The following CHSY1 variants were observed in gnomAD, a reference collection of about 807,000 sequenced individuals.
The protein encoded by CHSY1 is N-acetylgalactosaminyl-proteoglycan 3-beta-glucuronosyltransferase 1.
Under a neutral mutation model 59.8 loss-of-function variants are expected in CHSY1, and 13 were observed. The observed-to-expected ratio is 0.22, with a 90% CI of 0.14 to 0.35. The LOEUF is 0.35. Ranked by LOEUF, CHSY1 falls within the 10% of genes least tolerant of loss-of-function variation. CHSY1 has a pLI of 1.00. For missense variants in CHSY1, 947 were observed against 1,030.6 expected, an observed-to-expected ratio of 0.92 and a Z score of 1.11; for synonymous variants, 459 against 401.2, an observed-to-expected ratio of 1.14 and a Z score of -1.72.
chr15:101,221,466 G>A (rs1300094436), intron 2 of CHSY1, among the ~76,000 whole-genome samples: 2 of 152,126 alleles, frequency 1.3e-5, no homozygotes, highest in Non-Finnish European at 2.9e-5. Flanking sequence ...GTGACAGGTT[G>A]AGAGTGTCTC....
intron 2 of CHSY1, among the ~76,000 whole-genome samples, chr15:101,211,476 T>G (rs1247778591): frequency 6.6e-6 from 1 of 152,008 alleles, no homozygotes; most frequent in African/African-American, 2.4e-5. Context: ...TAGGACTCAG[T>G]GAAAATGTGT....
rs926282629 is a variant in CHSY1, at chr15:101,177,957, G to C, written c.1840C>G (p.Leu614Val). 2.5e-6 allele frequency: 4 copies of C among 1,614,086 alleles called. No homozygotes were observed. The African/African-American group carries it at 5.3e-5, about 22-fold the overall frequency. ...VSGEFSRALA[L>V]EVGSSQFNNE... ...TTAAACTGGGAGGATCCTACTTCCA[G>C]GGCCAGGGCTCTTGAAAACTCTCCA... is the stretch of plus-strand genomic sequence containing the variant. The change falls in exon 3 of 3, where the codon CTG becomes GTG. Residue 614 changes from leucine to valine, a missense_variant. Physicochemically the swap from Leu to Val is conservative, Grantham distance 32. Around this residue, in one of 4 missense-constraint regions of CHSY1, gnomAD observed 602 missense variants for 676.9 expected, o/e 0.89. Transcript: ENST00000254190.
chr15:101,233,415 G>T (rs2038910408), intron 2 of CHSY1, among the ~76,000 whole-genome samples: 1 of 152,178 alleles, frequency 6.6e-6, no homozygotes, highest in African/African-American at 2.4e-5. Flanking sequence ...GGAGATGATG[G>T]TCAGGGGAAA....
intron 2 of CHSY1, among the ~76,000 whole-genome samples, chr15:101,224,670 C>A (rs913165387): frequency 2.8e-4 from 42 of 152,286 alleles, no homozygotes; most frequent in African/African-American, 1.0e-3. Context: ...GAGAAACTCC[C>A]ACCTGGTCTA....
chr15:101,240,370 A>G (rs2038989938), intron 1 of CHSY1, among the ~76,000 whole-genome samples: 1 of 152,174 alleles, frequency 6.6e-6, no homozygotes, highest in Admixed American at 6.5e-5. Context: ...CAATATCAAC[A>G]AGTCCAGTTC....
chr15:101,251,645 T>G lies in CHSY1; in HGVS notation c.-189A>C. On this transcript the variant is annotated 5_prime_UTR_variant, in exon 1 of 3. Transcript: ENST00000254190. ...CCGCAGGCCCCGCGCCGGCGCTTTGTTCCGCACGCCCGCCCCCGCCGCCGC... is the reference window on the plus strand; with the variant it reads ...CCGCAGGCCCCGCGCCGGCGCTTTGGTCCGCACGCCCGCCCCCGCCGCCGC... 6.9e-6 allele frequency: 1 copy of G among 145,304 alleles called. No individual in the cohort carries two copies. Among genetic ancestry groups the G allele is most frequent in the African/African-American group, 2.5e-5 (1 of 40,502 alleles). 9.0% of individuals were successfully genotyped at this position (145,304 alleles called of 1,614,324 possible). A position where few individuals can be genotyped will look rare whatever the true frequency, so the allele number is the denominator to read the frequency against.
At chr15:101,251,075 C>T (rs1390037384) in intron 1 of CHSY1, 62 bp downstream of exon 1, 9 of 1,475,248 alleles carry the variant, frequency 6.1e-6, no homozygotes, top group Non-Finnish European at 7.3e-6. Flanking sequence ...AGGAGAGCAC[C>T]CGGGATGCCG....
At chr15:101,246,530 G>A (rs1394675322) in intron 1 of CHSY1, among the ~76,000 whole-genome samples, 6 of 152,148 alleles carry the variant, frequency 3.9e-5, no homozygotes, top group Non-Finnish European at 7.3e-5. Flanking sequence ...TCAATGGGTG[G>A]TACTGGCACA....
At position 101,177,490 on chromosome 15, in the gene CHSY1, C is replaced by T. The variant is rs532511668; in HGVS notation, c.2307G>A (p.Ser769=). 36 of 1,613,296 alleles carry T rather than the reference C, an allele frequency of 2.2e-5. No homozygotes were observed. The highest frequency in any genetic ancestry group is 1.2e-4 in the Admixed American group (7 of 59,992). Residue 769 remains serine (S), a synonymous_variant, in exon 3 of 3, where the codon TCG becomes TCA. Coordinates refer to ENST00000254190, the MANE Select transcript of CHSY1 (RefSeq NM_014918.5). ...QYKMCLGSKA[S]TYGSTQQLAE... ...CCAGCTGCTGGGTGGACCCATAGGT[C>T]GATGCTTTGGACCCCAAGCACATTT...
chr15:101,177,279 C>A lies in CHSY1; in HGVS notation c.*109G>T, dbSNP rs117081468. 500 of 1,075,292 alleles carry A rather than the reference C, an allele frequency of 4.6e-4. 2 individuals carry two copies. Among genetic ancestry groups the A allele is most frequent in the Middle Eastern group, 2.5e-3 (8 of 3,256 alleles). 66.6% of individuals were successfully genotyped at this position (1,075,292 alleles called of 1,614,324 possible). On this transcript the variant is annotated 3_prime_UTR_variant, in exon 3 of 3. Transcript: ENST00000254190. ...CTTAAAGGAGTCCTATGTAAGAAAA[C>A]CACTTGTAAAATATATCCTTGTATA...
At chr15:101,208,331 G>C (rs2038648114) in intron 2 of CHSY1, among the ~76,000 whole-genome samples, 1 of 152,132 alleles carries the variant, frequency 6.6e-6, no homozygotes, top group Non-Finnish European at 1.5e-5. Context: ...ATGGCAGACT[G>C]CAAGGCTAGG....
Position 101,177,260 on chromosome 15 carries a change from G to A in CHSY1, c.*128C>T. On this transcript the variant is annotated 3_prime_UTR_variant, in exon 3 of 3. Coordinates refer to ENST00000254190, the MANE Select transcript of CHSY1 (RefSeq NM_014918.5). ...CTTGTTCAGAAAGCTCAATCTTAAA[G>A]GAGTCCTATGTAAGAAAACCACTTG... 11 of 805,370 alleles carry A rather than the reference G, an allele frequency of 1.4e-5. No individual in the cohort carries two copies. The highest frequency in any genetic ancestry group is 1.9e-5 in the Non-Finnish European group (10 of 522,754). 49.9% of individuals were successfully genotyped at this position (805,370 alleles called of 1,614,324 possible). A position where few individuals can be genotyped will look rare whatever the true frequency, so the allele number is the denominator to read the frequency against.
intron 2 of CHSY1, among the ~76,000 whole-genome samples, chr15:101,181,689 C>G (rs1457949766): frequency 1.3e-5 from 2 of 152,194 alleles, no homozygotes; most frequent in Non-Finnish European, 2.9e-5. Flanking sequence ...CAGAGGTATT[C>G]TTAGAACACA....
chr15:101,218,615 TA>T (rs1188703947), intron 2 of CHSY1, among the ~76,000 whole-genome samples: 1 of 152,032 alleles, frequency 6.6e-6, no homozygotes, highest in Non-Finnish European at 1.5e-5. Context: ...CTCCTAAAGT[TA>T]AACTTACGTT....
At chr15:101,208,437 T>A (rs2141258993) in intron 2 of CHSY1, among the ~76,000 whole-genome samples, 1 of 152,208 alleles carries the variant, frequency 6.6e-6, no homozygotes, top group African/African-American at 2.4e-5. Flanking sequence ...AGAAGGCCAG[T>A]CATGGTGCCT....
At chr15:101,211,851 A>G (rs2038685539) in intron 2 of CHSY1, among the ~76,000 whole-genome samples, 1 of 152,114 alleles carries the variant, frequency 6.6e-6, no homozygotes, top group African/African-American at 2.4e-5. Flanking sequence ...GCGCTCAAGA[A>G]TAGTAAGACG....
At chr15:101,224,968 G>C (rs1020089589) in intron 2 of CHSY1, among the ~76,000 whole-genome samples, 14 of 152,184 alleles carry the variant, frequency 9.2e-5, no homozygotes, top group African/African-American at 2.7e-4. Flanking sequence ...TGATTGGTTG[G>C]AACAGTCCAG....
chr15:101,178,252 G>A lies in CHSY1; in HGVS notation c.1545C>T (p.Val515=), dbSNP rs1446760984. The A allele has an allele frequency of 1.2e-6, 2 of 1,614,098 alleles. No individual in the cohort carries two copies. Among genetic ancestry groups the A allele is most frequent in the East Asian group, 2.2e-5 (1 of 44,884 alleles). ...SFLSNSLKKL[V]PFQLPGSKSE... ...TCTTCGACCCAGGGAGCTGAAAGGGGACGAGCTTCTTCAGGGAGTTTGAGA... is the reference window on the plus strand; with the variant it reads ...TCTTCGACCCAGGGAGCTGAAAGGGAACGAGCTTCTTCAGGGAGTTTGAGA... Residue 515 remains valine, a synonymous_variant, in exon 3 of 3, where the codon GTC becomes GTT. Coordinates refer to ENST00000254190, the MANE Select transcript of CHSY1 (RefSeq NM_014918.5).
At chr15:101,183,099 T>C (rs1377103830) in intron 2 of CHSY1, among the ~76,000 whole-genome samples, 1 of 149,448 alleles carries the variant, frequency 6.7e-6, no homozygotes, top group African/African-American at 2.5e-5. Flanking sequence ...AACAAAGGAG[T>C]AGAGTTTGAA....
Sources: allele counts gnomAD v4.1 joint callset (sites outside exome capture counted in the v4.1 genomes callset), GRCh38; gene constraint gnomAD v4.1.1; regional missense constraint gnomAD v4.1.1; transcripts MANE v1.5; gene names NCBI Gene and HGNC (gene_info 2026-07-23, HGNC 2026-07-21).